Variants in FABP7 observed in about 807,000 individuals in gnomAD.
FABP7 encodes the protein fatty acid binding protein 7.
Under a neutral mutation model 14.2 loss-of-function variants are expected in FABP7, and 13 were observed. The observed-to-expected ratio is 0.91, with a 90% CI of 0.59 to 1.45. The LOEUF is 1.45. FABP7 is among the 40% of genes most tolerant of loss of function. The pLI is 0.00. For synonymous variants in FABP7, 49 were observed against 51.4 expected (o/e 0.95, Z 0.20); for missense variants, 149 against 157.6 (o/e 0.95, Z 0.29).
At chr6:122,776,099 A>G (rs572578897), upstream of FABP7, among the ~76,000 whole-genome samples, 5 of 152,238 alleles carry the variant, frequency 3.3e-5, no homozygotes, top group East Asian at 3.9e-4. Flanking sequence ...ATCAGCCACT[A>G]TGGAAAACAG....
the FABP7 span, among the ~76,000 whole-genome samples, chr6:122,757,806 G>T: frequency 6.6e-6 from 1 of 152,106 alleles, no homozygotes; most frequent in Non-Finnish European, 1.5e-5. Context: ...GCGTTCCAAG[G>T]AGTCTGTTAA....
chr6:122,781,691 G>C, intron 3 of FABP7: 1 of 915,768 alleles, frequency 1.1e-6, no homozygotes, highest in Non-Finnish European at 1.3e-6. Context: ...TAACAGAAAA[G>C]TATAACAAAA....
At chr6:122,776,965 GT>G (rs1780686893), upstream of FABP7, among the ~76,000 whole-genome samples, 1 of 152,098 alleles carries the variant, frequency 6.6e-6, no homozygotes, top group Admixed American at 6.5e-5. Context: ...TTTTGATAAG[GT>G]TTAAAGGAAT....
At chr6:122,769,513 T>C in the FABP7 span, among the ~76,000 whole-genome samples, 1 of 152,170 alleles carries the variant, frequency 6.6e-6, no homozygotes, top group East Asian at 1.9e-4. Flanking sequence ...ATTAGCACTT[T>C]CTTGTACGTA....
the FABP7 span, among the ~76,000 whole-genome samples, chr6:122,768,705 C>G: frequency 2.6e-5 from 4 of 152,126 alleles, no homozygotes; most frequent in African/African-American, 9.7e-5. Flanking sequence ...GATTATGACA[C>G]TAACCAACGG....
chr6:122,771,686 A>G, the FABP7 span, among the ~76,000 whole-genome samples: 1 of 152,150 alleles, frequency 6.6e-6, no homozygotes, highest in Non-Finnish European at 1.5e-5. Context: ...TAAAGAAAAA[A>G]CCTAAAAACA....
At chr6:122,780,768 T>A (rs540277317) in intron 2 of FABP7, among the ~76,000 whole-genome samples, 6 of 152,234 alleles carry the variant, frequency 3.9e-5, no homozygotes, top group Admixed American at 3.9e-4. Flanking sequence ...TTTTGTTTAA[T>A]TCCCCAGGTT....
chr6:122,782,412 T>C, intron 3 of FABP7: 1 of 649,624 alleles, frequency 1.5e-6, no homozygotes, highest in Non-Finnish European at 1.9e-6. Context: ...GGGCTTACAG[T>C]TGTTATTACT....
chr6:122,770,002 G>C, the FABP7 span, among the ~76,000 whole-genome samples: 3 of 152,050 alleles, frequency 2.0e-5, no homozygotes, highest in African/African-American at 7.2e-5. Flanking sequence ...AATTTACAAT[G>C]ATGTTATTTA....
intron 3 of FABP7, chr6:122,783,095 C>T (rs1332216525): frequency 1.0e-6 from 1 of 985,252 alleles, no homozygotes; most frequent in Non-Finnish European, 1.2e-6. Context: ...AGCACCAAAA[C>T]CCCCTAAGTT....
the FABP7 span, among the ~76,000 whole-genome samples, chr6:122,763,202 T>C: frequency 6.6e-6 from 1 of 152,102 alleles, no homozygotes; most frequent in Non-Finnish European, 1.5e-5. Flanking sequence ...TATAGATCAA[T>C]GGAACAGAAC....
chr6:122,771,964 G>A, the FABP7 span, among the ~76,000 whole-genome samples: 3 of 152,202 alleles, frequency 2.0e-5, no homozygotes, highest in Non-Finnish European at 2.9e-5. Flanking sequence ...AGAGCACAAT[G>A]CATAATAAAA....
At chr6:122,762,754 A>G in the FABP7 span, among the ~76,000 whole-genome samples, 5 of 152,126 alleles carry the variant, frequency 3.3e-5, no homozygotes, top group Non-Finnish European at 7.3e-5. Context: ...ATAACAGACA[A>G]ACAGAGAGCC....
upstream of FABP7, among the ~76,000 whole-genome samples, chr6:122,775,709 A>AAC (rs1554243107): frequency 5.3e-5 from 8 of 151,366 alleles, no homozygotes; most frequent in African/African-American, 1.7e-4. Context: ...AACAACAAAA[A>AAC]AAACAAACAA....
At chr6:122,756,887 T>C in the FABP7 span, among the ~76,000 whole-genome samples, 6 of 152,230 alleles carry the variant, frequency 3.9e-5, no homozygotes, top group Non-Finnish European at 7.3e-5. Context: ...TTTCCTCTCA[T>C]TTCACTGGCC....
upstream of FABP7, chr6:122,779,505 A>T: frequency 9.2e-6 from 4 of 436,340 alleles, no homozygotes; most frequent in Non-Finnish European, 1.7e-5. Context: ...TAGTGTGAGG[A>T]TTGGGAGGAA....
chr6:122,777,303 T>C (rs1281985731), upstream of FABP7, among the ~76,000 whole-genome samples: 1 of 152,154 alleles, frequency 6.6e-6, no homozygotes, highest in Non-Finnish European at 1.5e-5. Context: ...TTTGCCTAGA[T>C]GAAACAGTCA....
intron 3 of FABP7, chr6:122,783,491 T>G: frequency 2.0e-6 from 2 of 985,470 alleles, no homozygotes; most frequent in Non-Finnish European, 2.4e-6. Context: ...TCTTTTGACT[T>G]GAATCTAAAG....
At chr6:122,754,351 C>T in the FABP7 span, among the ~76,000 whole-genome samples, 1 of 152,090 alleles carries the variant, frequency 6.6e-6, no homozygotes, top group Non-Finnish European at 1.5e-5. Flanking sequence ...CACCAGCTTC[C>T]TGCTTCAGTG....
Sources: gnomAD v4.1 joint callset for allele counts (sites outside exome capture counted in the v4.1 genomes callset) on GRCh38, gnomAD v4.1.1 for gene constraint, MANE v1.5 for transcripts, NCBI Gene and HGNC (gene_info 2026-07-23, HGNC 2026-07-21) for gene names.